PYHIN1: variants seen among roughly 807,000 people sequenced by gnomAD.
The protein encoded by PYHIN1 is pyrin and HIN domain family member 1.
In PYHIN1, 32 loss-of-function variants were observed where a neutral mutation model predicts 43.7. The observed-to-expected ratio is 0.73, with a 90% CI of 0.55 to 0.98. PYHIN1 has a LOEUF of 0.98. Ranked by LOEUF, PYHIN1 falls within the 50% of genes least tolerant of loss-of-function variation. PYHIN1 has a pLI of 0.00. For missense variants in PYHIN1, 588 were observed against 589.5 expected (o/e 1.00, Z 0.03); for synonymous variants, 205 against 203.1 (o/e 1.01, Z -0.08).
At chr1:158,975,679 C>A (rs1053220519) in intron 8 of PYHIN1, among the ~76,000 whole-genome samples, 2 of 152,110 alleles carry the variant, frequency 1.3e-5, no homozygotes, top group Non-Finnish European at 2.9e-5. Flanking sequence ...AGGGAAAAAA[C>A]GTGTTCTGCT....
intron 5 of PYHIN1, 131 bp from the exon 6 acceptor site, chr1:158,943,659 A>G (rs1649053993): frequency 1.8e-6 from 1 of 554,578 alleles, no homozygotes; most frequent in Non-Finnish European, 3.2e-6. Context: ...ACTAAGGCAT[A>G]TGTATTGTAT....
chr1:158,981,371 TGG>T (rs1651477777), downstream of PYHIN1, among the ~76,000 whole-genome samples: 3 of 152,082 alleles, frequency 2.0e-5, no homozygotes, highest in African/African-American at 7.2e-5. Flanking sequence ...CTTGGGAGCC[TGG>T]GGCAGGAGAA....
downstream of PYHIN1, among the ~76,000 whole-genome samples, chr1:158,979,536 A>G (rs1651417281): frequency 6.6e-6 from 1 of 152,178 alleles, no homozygotes; most frequent in African/African-American, 2.4e-5. Context: ...ACATTCCATT[A>G]TATATACACA....
chr1:158,952,602 G>A (rs1342768804), intron 7 of PYHIN1, among the ~76,000 whole-genome samples: 2 of 152,118 alleles, frequency 1.3e-5, no homozygotes, highest in African/African-American at 4.8e-5. Flanking sequence ...GGTAAGGCAG[G>A]TGATGGTTCC....
At chr1:158,937,528 TCTA>T (rs1181349321) in intron 2 of PYHIN1, among the ~76,000 whole-genome samples, 3 of 152,226 alleles carry the variant, frequency 2.0e-5, no homozygotes, top group Non-Finnish European at 4.4e-5. Flanking sequence ...ATGTGTTCAT[TCTA>T]TTGAGAATAT....
intron 7 of PYHIN1, among the ~76,000 whole-genome samples, chr1:158,946,547 T>TAGATAGATAGA (rs145557906): frequency 6.7e-6 from 1 of 148,424 alleles, no homozygotes; most frequent in African/African-American, 2.5e-5. Context: ...AGCACAGTGA[T>TAGATAGATAGA]TAGATAGATA....
At chr1:158,934,409 T>C (rs1466435334) in intron 1 of PYHIN1, among the ~76,000 whole-genome samples, 1 of 152,220 alleles carries the variant, frequency 6.6e-6, no homozygotes, top group Non-Finnish European at 1.5e-5. Flanking sequence ...GGGCCAGCAT[T>C]ATATAAAAAT....
intron 1 of PYHIN1, 57 bp from the exon 2 acceptor site, chr1:158,936,834 C>T (rs952571062): frequency 8.3e-7 from 1 of 1,204,116 alleles, no homozygotes; most frequent in Non-Finnish European, 1.1e-6. Context: ...AGGCATACAT[C>T]TTCTTTTAAA....
chr1:158,989,846 A>G, the PYHIN1 span, among the ~76,000 whole-genome samples: 3 of 151,998 alleles, frequency 2.0e-5, no homozygotes, highest in Non-Finnish European at 2.9e-5. Flanking sequence ...TCATCAGAGC[A>G]TTTATCTCAG....
At chr1:158,942,923 A>G (rs1462628052) in intron 5 of PYHIN1, among the ~76,000 whole-genome samples, 1 of 152,190 alleles carries the variant, frequency 6.6e-6, no homozygotes, top group East Asian at 1.9e-4. Context: ...CATTCATCAA[A>G]AAGTATTGAA....
the PYHIN1 span, among the ~76,000 whole-genome samples, chr1:158,989,071 T>C: frequency 6.6e-6 from 1 of 152,204 alleles, no homozygotes; most frequent in Non-Finnish European, 1.5e-5. Flanking sequence ...TTTTCTTCTG[T>C]CTGGTTCTTC....
intron 7 of PYHIN1, among the ~76,000 whole-genome samples, chr1:158,969,065 A>G (rs1650796364): frequency 6.6e-6 from 1 of 151,996 alleles, no homozygotes; most frequent in Admixed American, 6.6e-5. Flanking sequence ...TTAAAAAAAT[A>G]ATTTTTGGTC....
intron 8 of PYHIN1, among the ~76,000 whole-genome samples, chr1:158,975,298 G>A (rs549667907): frequency 1.4e-4 from 21 of 152,084 alleles, no homozygotes; most frequent in African/African-American, 5.1e-4. Context: ...AAAGTCAAAA[G>A]CAGACCATTC....
chr1:158,964,907 C>A lies in PYHIN1; in HGVS notation c.1360-8740C>A, dbSNP rs545058985. The stretch of plus-strand genomic sequence containing the variant: ...TGTCAATATTAACCTTTAATGTAAA[C>A]AGGCTACACACTCCACTTAAAAGTC... On this transcript the variant is annotated intron_variant, in intron 7 of 8. Coordinates refer to ENST00000368140, the MANE Select transcript of PYHIN1 (RefSeq NM_152501.5). Among the ~76,000 whole-genome samples the A allele has an allele frequency of 2.0e-5, 3 of 152,174 alleles. No homozygotes were observed. In the South Asian group the frequency reaches 6.2e-4, roughly 32 times the overall value.
At chr1:158,989,059 C>G in the PYHIN1 span, among the ~76,000 whole-genome samples, 1 of 152,078 alleles carries the variant, frequency 6.6e-6, no homozygotes, top group East Asian at 1.9e-4. Context: ...GACCTGTATC[C>G]CTTTTCTTCT....
Position 158,939,132 on chromosome 1 carries a change from C to T in PYHIN1, c.464C>T (p.Ser155Phe). 1 of 1,612,758 alleles carries T rather than the reference C, an allele frequency of 6.2e-7. No homozygotes were observed. The highest frequency in any genetic ancestry group is 2.2e-5 in the East Asian group (1 of 44,872). ...EETGTKRSKM[S>F]KEQTRPSCSA... ...ACTGGAACCAAAAGGAGTAAGATGT[C>T]CAAAGAGCAGACTCGGCCTTCCTGC... Residue 155 changes from serine to phenylalanine, a missense_variant, in exon 4 of 9, where the codon TCC becomes TTC. Ser to Phe is a radical substitution (Grantham distance 155). Transcript: ENST00000368140.
rs539816241 is a variant in PYHIN1 at position 158,944,238 on chromosome 1, T to C, written c.1191+260T>C. 2.6e-5 allele frequency among the ~76,000 whole-genome samples: 4 copies of C among 152,336 alleles called. No individual in the cohort carries two copies. In the South Asian group the frequency reaches 8.3e-4, roughly 32 times the overall value. ...AGAAACTAGGAGGCCACGGGCCTAATTGCAGTTAGTTATCAAAACCAAGTT... is the reference window on the plus strand; with the variant it reads ...AGAAACTAGGAGGCCACGGGCCTAACTGCAGTTAGTTATCAAAACCAAGTT... On this transcript the variant is annotated intron_variant, in intron 6 of 8. Coordinates refer to ENST00000368140, the MANE Select transcript of PYHIN1 (RefSeq NM_152501.5).
At position 158,945,032 on chromosome 1, in the gene PYHIN1, C is replaced by G. The variant is rs540770733; in HGVS notation, c.1349C>G (p.Ser450Cys). Reference protein sequence around the residue: ...QMPPTTPSSSSFTKKDETHPG... With the variant: ...QMPPTTPSSSCFTKKDETHPG... ...CCACCAACAACCCCATCCAGCAGTTCCTTCACCAAGGTACAATATCCTGGG... is the reference window on the plus strand; with the variant it reads ...CCACCAACAACCCCATCCAGCAGTTGCTTCACCAAGGTACAATATCCTGGG... The change falls in exon 7 of 9, where the codon TCC (serine) becomes TGC (cysteine). Residue 450 changes from serine to cysteine, a missense_variant. By Grantham distance (112) the Ser-to-Cys change is moderately radical. Transcript: ENST00000368140. The G allele has an allele frequency of 1.2e-6, 2 of 1,612,948 alleles. No individual in the cohort carries two copies. The highest frequency in any genetic ancestry group is 1.7e-6 in the Non-Finnish European group (2 of 1,179,462).
chr1:158,953,564 C>T (rs1010405697), intron 7 of PYHIN1, among the ~76,000 whole-genome samples: 1 of 151,416 alleles, frequency 6.6e-6, no homozygotes, highest in Non-Finnish European at 1.5e-5. Flanking sequence ...GGAAAACTAA[C>T]AAACAGAAAG....
Sources: gnomAD v4.1 joint callset for allele counts (sites outside exome capture counted in the v4.1 genomes callset) on GRCh38, gnomAD v4.1.1 for gene constraint, MANE v1.5 for transcripts, NCBI Gene and HGNC (gene_info 2026-07-23, HGNC 2026-07-21) for gene names.